QTMAN: variants seen among roughly 807,000 people sequenced by gnomAD.
QTMAN encodes the protein tRNA-queuosine alpha-mannosyltransferase.
chr2:144,289,903 C>G, the QTMAN span, among the ~76,000 whole-genome samples: 2 of 152,178 alleles, frequency 1.3e-5, no homozygotes, highest in Admixed American at 1.3e-4. Context: ...TACCTCCTCA[C>G]ATATATTAAG....
chr2:144,185,101 C>G, the QTMAN span, among the ~76,000 whole-genome samples: 1 of 152,148 alleles, frequency 6.6e-6, no homozygotes, highest in Non-Finnish European at 1.5e-5. Context: ...AAATATTGCA[C>G]TATTTATGAG....
chr2:144,049,107 T>TC, the QTMAN span, among the ~76,000 whole-genome samples: 1 of 151,980 alleles, frequency 6.6e-6, no homozygotes, highest in Admixed American at 6.6e-5. Context: ...TGGGTTTTTC[T>TC]CCCCTAAAAA....
chr2:143,938,108 G>T, the QTMAN span: 3 of 152,100 alleles, frequency 2.0e-5, no homozygotes, highest in Non-Finnish European at 4.4e-5. Flanking sequence ...TATTGGCCTG[G>T]TATCACAGCA....
At chr2:144,231,731 A>G in the QTMAN span, among the ~76,000 whole-genome samples, 2 of 152,164 alleles carry the variant, frequency 1.3e-5, no homozygotes, top group Non-Finnish European at 2.9e-5. Flanking sequence ...CACAGAAAAA[A>G]TAAAGGGTTT....
At chr2:144,242,960 T>TAAAAAAAAAA in the QTMAN span, among the ~76,000 whole-genome samples, 39 of 77,804 alleles carry the variant, frequency 5.0e-4, 2 homozygotes, top group African/African-American at 2.4e-3. Flanking sequence ...AGACTCTACT[T>TAAAAAAAAAA]AAAAAAAAAA....
chr2:144,272,416 T>C, the QTMAN span, among the ~76,000 whole-genome samples: 528 of 152,312 alleles, frequency 3.5e-3, no homozygotes, highest in African/African-American at 0.012. Flanking sequence ...CTGATTTTTG[T>C]TTCACTACAT....
chr2:144,298,762 A>G, the QTMAN span, among the ~76,000 whole-genome samples: 14 of 152,360 alleles, frequency 9.2e-5, no homozygotes, highest in African/African-American at 3.4e-4. Context: ...TATCTGTAGC[A>G]AAATGATCTA....
chr2:144,286,392 A>C, the QTMAN span, among the ~76,000 whole-genome samples: 1 of 152,180 alleles, frequency 6.6e-6, no homozygotes, highest in African/African-American at 2.4e-5. Flanking sequence ...ATTTCCAGTA[A>C]ACTTATATGA....
chr2:143,963,077 T>C, the QTMAN span, among the ~76,000 whole-genome samples: 1 of 152,176 alleles, frequency 6.6e-6, no homozygotes, highest in Non-Finnish European at 1.5e-5. Context: ...TATTATCACC[T>C]CTTTTGTTTA....
the QTMAN span, among the ~76,000 whole-genome samples, chr2:144,067,265 A>T: frequency 6.6e-4 from 100 of 152,356 alleles, no homozygotes; most frequent in Admixed American, 1.8e-3. Flanking sequence ...TGCTATTTCT[A>T]ATACAGTACA....
At chr2:144,122,813 A>C in the QTMAN span, among the ~76,000 whole-genome samples, 1 of 152,118 alleles carries the variant, frequency 6.6e-6, no homozygotes, top group Admixed American at 6.6e-5. Context: ...ATTCAGATTT[A>C]TTTTGTCTAG....
chr2:144,119,051 T>A, the QTMAN span, among the ~76,000 whole-genome samples: 1 of 152,116 alleles, frequency 6.6e-6, no homozygotes, highest in Non-Finnish European at 1.5e-5. Flanking sequence ...TAGGTAAGAA[T>A]CTTAATGTTT....
the QTMAN span, among the ~76,000 whole-genome samples, chr2:144,291,747 T>C: frequency 6.6e-6 from 1 of 152,162 alleles, no homozygotes; most frequent in African/African-American, 2.4e-5. Flanking sequence ...TCTTGACAAT[T>C]CTCCTACCTT....
chr2:143,979,068 C>T, the QTMAN span, among the ~76,000 whole-genome samples: 59 of 151,980 alleles, frequency 3.9e-4, no homozygotes, highest in Non-Finnish European at 2.4e-4. Flanking sequence ...CTCTGACAAC[C>T]AGGGAGCTTA....
the QTMAN span, among the ~76,000 whole-genome samples, chr2:144,175,975 C>A: frequency 6.6e-6 from 1 of 152,080 alleles, no homozygotes; most frequent in Admixed American, 6.6e-5. Context: ...TAGATAAGTA[C>A]ATTTCTACTT....
the QTMAN span, among the ~76,000 whole-genome samples, chr2:144,058,133 AACAC>A: frequency 0.012 from 1,132 of 97,170 alleles, 44 homozygotes; most frequent in African/African-American, 0.048. Context: ...CACCCCGCTA[AACAC>A]ACACACACAC....
chr2:144,130,077 GCTGA>G, the QTMAN span, among the ~76,000 whole-genome samples: 14 of 148,490 alleles, frequency 9.4e-5, no homozygotes, highest in South Asian at 4.2e-4. Context: ...ATGATACAGG[GCTGA>G]CTAATTTCTG....
At chr2:144,007,204 G>A in the QTMAN span, 1 of 1,602,360 alleles carries the variant, frequency 6.2e-7, no homozygotes, top group African/African-American at 1.3e-5. Flanking sequence ...CAGACAATGT[G>A]TAGCAGTCTT....
the QTMAN span, among the ~76,000 whole-genome samples, chr2:144,221,599 C>G: frequency 6.6e-6 from 1 of 152,164 alleles, no homozygotes; most frequent in East Asian, 1.9e-4. Context: ...AAGTTATCTT[C>G]ATTGAATATG....
Sources: allele counts gnomAD v4.1 joint callset (sites outside exome capture counted in the v4.1 genomes callset), GRCh38; gene constraint gnomAD v4.1.1; transcripts MANE v1.5; gene names NCBI Gene and HGNC (gene_info 2026-07-23, HGNC 2026-07-21).